SRGAP2C: variants seen among roughly 807,000 people sequenced by gnomAD.
SRGAP2C encodes the protein SLIT-ROBO Rho GTPase-activating protein 2C.
SRGAP2C carries 15 observed loss-of-function variants against 25.1 expected under a neutral mutation model. The ratio of observed to expected loss-of-function variants is 0.60; its 90% CI spans 0.40 to 0.92. The LOEUF (loss-of-function observed/expected upper bound fraction) is 0.92, where lower values mean the gene tolerates loss of function less well. Among genes scored for constraint, SRGAP2C ranks in the 40% least tolerant of loss-of-function variants. The pLI, the probability that SRGAP2C is intolerant of heterozygous loss-of-function variation, is 0.00. For synonymous variants in SRGAP2C, 44 were observed against 96.6 expected, an observed-to-expected ratio of 0.46 and a Z score of 3.19; for missense variants, 144 against 264.4, an observed-to-expected ratio of 0.54 and a Z score of 3.16.
chr1:121,225,611 T>C (rs1189270913), intron 2 of SRGAP2C, among the ~76,000 whole-genome samples: 1 of 130,190 alleles, frequency 7.7e-6, no homozygotes, highest in Non-Finnish European at 1.6e-5. Context: ...TACTGAATGA[T>C]CTGTATTTTG....
chr1:121,222,014 T>C (rs1295554845), intron 2 of SRGAP2C, among the ~76,000 whole-genome samples: 1 of 152,050 alleles, frequency 6.6e-6, no homozygotes, highest in Non-Finnish European at 1.5e-5. Context: ...TCATATCCAG[T>C]TTCTGCTTGC....
chr1:121,293,992 A>T (rs1478912087), intron 3 of SRGAP2C, among the ~76,000 whole-genome samples: 2 of 96,768 alleles, frequency 2.1e-5, no homozygotes, highest in Admixed American at 2.4e-4. Flanking sequence ...TAGGTTGGGT[A>T]TTTTCTTACA....
chr1:121,322,096 TG>T (rs1386609842), intron 3 of SRGAP2C, among the ~76,000 whole-genome samples: 2 of 149,770 alleles, frequency 1.3e-5, no homozygotes, highest in South Asian at 4.2e-4. Context: ...TGGCATTATT[TG>T]TGTGTATGTA....
In SRGAP2C at chr1:121,291,234, C is replaced by A. The variant is rs1553337582; in HGVS notation, c.260+6239C>A. ...ATAGAACCATAATGGTCAGAGGTGA[C>A]CCAGTGTCTCTACCCTGGTGACCTA... is the stretch of plus-strand genomic sequence containing the variant. On this transcript the variant is annotated intron_variant, in intron 3 of 9. Coordinates refer to ENST00000367123, the MANE Select transcript of SRGAP2C (RefSeq NM_001329984.2). Among the ~76,000 whole-genome samples the A allele has an allele frequency of 2.7e-4, 34 of 125,832 alleles. No homozygotes were observed. The South Asian group carries it at 8.5e-3, about 31-fold the overall frequency. The allele number at this position is 125,832 out of a possible 152,430, so 82.6% of individuals were successfully genotyped here. A position where few individuals can be genotyped will look rare whatever the true frequency, so the allele number is the denominator to read the frequency against.
chr1:121,230,738 A>G (rs1553327392), intron 2 of SRGAP2C, among the ~76,000 whole-genome samples: 1 of 151,392 alleles, frequency 6.6e-6, no homozygotes, highest in African/African-American at 2.4e-5. Flanking sequence ...ATGCATACAT[A>G]TGTTTATTGC....
chr1:121,223,933 C>A (rs1157503125), intron 2 of SRGAP2C, among the ~76,000 whole-genome samples: 1 of 129,056 alleles, frequency 7.7e-6, no homozygotes, highest in Non-Finnish European at 1.6e-5. Context: ...ATAGTCTGGT[C>A]TAAAATATAA....
chr1:121,347,916 CTGT>C (rs1393157758), intron 4 of SRGAP2C, among the ~76,000 whole-genome samples: 7 of 144,862 alleles, frequency 4.8e-5, no homozygotes, highest in South Asian at 2.3e-4. Context: ...GCAGGAAGGC[CTGT>C]TGTTGTTTTC....
chr1:121,374,747 T>C (rs1659592647), intron 6 of SRGAP2C, 79 bp from the exon 7 acceptor site: 5 of 705,150 alleles, frequency 7.1e-6, no homozygotes, highest in South Asian at 3.0e-5. Flanking sequence ...AGTTCTTGAA[T>C]ACACTGTACT....
At chr1:121,359,453 A>G (rs1659135333) in intron 4 of SRGAP2C, among the ~76,000 whole-genome samples, 1 of 150,946 alleles carries the variant, frequency 6.6e-6, no homozygotes, top group Admixed American at 6.6e-5. Context: ...CAGCCTGGGG[A>G]AACATCACGA....
chr1:121,319,777 GA>G (rs1466746153), intron 3 of SRGAP2C, among the ~76,000 whole-genome samples: 2 of 110,724 alleles, frequency 1.8e-5, no homozygotes, highest in Non-Finnish European at 3.6e-5. Context: ...TCTTCCTCCT[GA>G]AAAACATTTT....
In SRGAP2C at chr1:121,314,427, G is replaced by A. The variant is rs1423400462; in HGVS notation, c.261-10051G>A. Among the ~76,000 whole-genome samples the A allele has an allele frequency of 9.2e-5, 14 of 152,272 alleles. No homozygotes were observed. The South Asian group carries it at 1.2e-3, about 14-fold the overall frequency. ...GTCTGAAGCCTTCTTCTCTCAGCTC[G>A]TCAAAATCATTCTCCATCCATCTTT... On this transcript the variant is annotated intron_variant, in intron 3 of 9. Transcript: ENST00000367123.
At chr1:121,286,559 A>G (rs1465906369) in intron 3 of SRGAP2C, among the ~76,000 whole-genome samples, 6 of 151,936 alleles carry the variant, frequency 3.9e-5, no homozygotes, top group African/African-American at 1.4e-4. Flanking sequence ...CACCCAGCCC[A>G]TCTATGTTTT....
chr1:121,246,648 T>G, intron 2 of SRGAP2C, among the ~76,000 whole-genome samples: 1 of 131,388 alleles, frequency 7.6e-6, no homozygotes, highest in East Asian at 2.1e-4. Context: ...TAAAATGAGT[T>G]GCAAGGCTGA....
chr1:121,369,582 C>A (rs1485365484), intron 5 of SRGAP2C, among the ~76,000 whole-genome samples: 1 of 151,332 alleles, frequency 6.6e-6, no homozygotes, highest in Non-Finnish European at 1.5e-5. Flanking sequence ...CACCTGTTCC[C>A]TTGAAACAAT....
rs1183156440 is a variant in SRGAP2C at position 121,310,674 on chromosome 1, A to C, written c.261-13804A>C. Among the ~76,000 whole-genome samples the C allele has an allele frequency of 4.6e-5, 4 of 86,578 alleles. No homozygotes were observed. The East Asian group carries it at 2.1e-3, about 46-fold the overall frequency. 56.8% of individuals were successfully genotyped at this position (86,578 alleles called of 152,430 possible). A position where few individuals can be genotyped will look rare whatever the true frequency, so the allele number is the denominator to read the frequency against. ...CCAGTTTTCCCAGCACCATTTATTA[A>C]ATAAGGAATCCTTTCCCCATTGCTT... is the stretch of plus-strand genomic sequence containing the variant. On this transcript the variant is annotated intron_variant, in intron 3 of 9. Coordinates refer to ENST00000367123, the MANE Select transcript of SRGAP2C (RefSeq NM_001329984.2).
chr1:121,372,002 T>C (rs2255472), intron 5 of SRGAP2C, among the ~76,000 whole-genome samples: 2 of 152,158 alleles, frequency 1.3e-5, no homozygotes, highest in African/African-American at 2.4e-5. Context: ...GGGGTCTGTT[T>C]GAATTACTTA....
chr1:121,365,150 G>A lies in SRGAP2C; in HGVS notation c.424-143G>A. On this transcript the variant is annotated intron_variant, in intron 4 of 9. Transcript: ENST00000367123. ...AATCTGACCATAATTGGGTCTGATTGGAGTGGTTATCTGATTTGCTGGGTT... is the reference window on the plus strand; with the variant it reads ...AATCTGACCATAATTGGGTCTGATTAGAGTGGTTATCTGATTTGCTGGGTT... The A allele has an allele frequency of 5.9e-6, 2 of 341,102 alleles. 1 individual carries two copies. Among genetic ancestry groups the A allele is most frequent in the Non-Finnish European group, 1.0e-5 (2 of 191,504 alleles). 21.1% of individuals were successfully genotyped at this position (341,102 alleles called of 1,614,324 possible).
intron 3 of SRGAP2C, among the ~76,000 whole-genome samples, chr1:121,308,581 C>T (rs1298603913): frequency 1.3e-5 from 2 of 151,366 alleles, no homozygotes; most frequent in African/African-American, 4.9e-5. Context: ...TTTGAGGCTA[C>T]AGTGAACCAT....
chr1:121,212,399 G>A (rs1329723769), intron 2 of SRGAP2C, among the ~76,000 whole-genome samples: 2 of 152,000 alleles, frequency 1.3e-5, no homozygotes, highest in Non-Finnish European at 2.9e-5. Context: ...CAGAGTGCTG[G>A]GATTACAGGG....
Sources: gnomAD v4.1 joint callset for allele counts (sites outside exome capture counted in the v4.1 genomes callset) on GRCh38, gnomAD v4.1.1 for gene constraint, MANE v1.5 for transcripts, NCBI Gene and HGNC (gene_info 2026-07-23, HGNC 2026-07-21) for gene names.